The following FGD5 variants were observed in gnomAD, a reference collection of about 807,000 sequenced individuals.
FGD5 encodes the protein FYVE, RhoGEF and PH domain-containing protein 5.
In FGD5, 28 loss-of-function variants were observed where a neutral mutation model predicts 133.4. The ratio of observed to expected loss-of-function variants is 0.21; its 90% CI spans 0.16 to 0.29. The LOEUF (loss-of-function observed/expected upper bound fraction) is 0.29. Ranked by LOEUF, FGD5 falls within the 10% of genes least tolerant of loss-of-function variation. FGD5 has a pLI of 1.00. For synonymous variants in FGD5, 810 were observed against 776.5 expected, an observed-to-expected ratio of 1.04 and a Z score of -0.72; for missense variants, 1,858 against 1,895.2, an observed-to-expected ratio of 0.98 and a Z score of 0.36.
chr3:14,813,694 G>A (rs560563237), intron 1 of FGD5, among the ~76,000 whole-genome samples: 3 of 151,932 alleles, frequency 2.0e-5, no homozygotes, highest in East Asian at 3.9e-4. Context: ...GCCGAGGCCC[G>A]AAAAGGGGAA....
In FGD5 at chr3:14,933,763, G is replaced by GCAGA. The variant is rs1312065848; in HGVS notation, c.*598_*601dup. The GCAGA allele has an allele frequency of 6.4e-6, 1 of 155,046 alleles. No homozygotes were observed. Among genetic ancestry groups the GCAGA allele is most frequent in the African/African-American group, 2.4e-5 (1 of 41,460 alleles). 9.6% of individuals were successfully genotyped at this position (155,046 alleles called of 1,614,324 possible). The stretch of plus-strand genomic sequence containing the variant: ...AAGGGTGTACATAAAATGGATTTGT[G>GCAGA]CAGACCTGGCTGTGGCTTGCTGGTG... On this transcript the variant is annotated 3_prime_UTR_variant, in exon 20 of 20. Transcript: ENST00000285046.
intron 1 of FGD5, among the ~76,000 whole-genome samples, chr3:14,844,216 AAATATATATATATATATATATATAT>A (rs1391844057): frequency 1.6e-4 from 5 of 30,380 alleles, no homozygotes; most frequent in African/African-American, 4.9e-4. Context: ...AAAAAAAAAA[AAATATATATATATATATATATATAT>A]ATATATATAT....
intron 1 of FGD5, among the ~76,000 whole-genome samples, chr3:14,831,010 T>G (rs1575193747): frequency 1.3e-5 from 2 of 152,216 alleles, no homozygotes. Context: ...AGACACACTT[T>G]AGACAGGGTG....
At chr3:14,923,020 G>A in intron 15 of FGD5, 26 bp from the exon 16 acceptor site, 2 of 1,613,590 alleles carry the variant, frequency 1.2e-6, no homozygotes, top group Non-Finnish European at 1.7e-6. Context: ...TGAGAGGGGT[G>A]AGAATCTTCC....
rs530558185 is a variant in FGD5 at position 14,811,066 on chromosome 3, A to ACC, written c.13+201_13+202insCC. ...GCTGAGAACCGGGGGTCCCCGTCCG[A>ACC]AGCGCCCTGCCTCAGGGACCTTCTC... On this transcript the variant is annotated intron_variant, in intron 1 of 1. Coordinates refer to the FGD5 transcript ENST00000640506. Among the ~76,000 whole-genome samples the ACC allele has an allele frequency of 4.9e-4, 75 of 152,112 alleles. No homozygotes were observed. In the Middle Eastern group the frequency reaches 0.01, roughly 21 times the overall value.
chr3:14,932,835 A>C, intron 19 of FGD5, 104 bp downstream of exon 19: 2 of 1,352,892 alleles, frequency 1.5e-6, no homozygotes, highest in Non-Finnish European at 2.0e-6. Flanking sequence ...ATCCTATCCC[A>C]TTAGGTCCCT....
At position 14,898,021 on chromosome 3, in the gene FGD5, G is replaced by A. The variant is rs746000953; in HGVS notation, c.2992G>A (p.Asp998Asn). ...CCACGCCACTCACATCCTGCAGTTCGACAGGTACCTAGGTCTGCTCAGTGA... is the reference window on the plus strand; with the variant it reads ...CCACGCCACTCACATCCTGCAGTTCAACAGGTACCTAGGTCTGCTCAGTGA... ...DHHATHILQF[D>N]RYLGLLSENC... Residue 998 changes from aspartate (D) to asparagine (N), a missense_variant, in exon 6 of 20, where the codon GAC (aspartate) becomes AAC (asparagine). Physicochemically the swap from Asp to Asn is conservative, Grantham distance 23 (BLOSUM62 1). Transcript: ENST00000285046. 11 of 1,613,872 alleles carry A rather than the reference G, an allele frequency of 6.8e-6. No individual in the cohort carries two copies. The Admixed American group carries it at 8.3e-5, about 12-fold the overall frequency.
At chr3:14,884,547 G>A (rs970700252) in intron 4 of FGD5, among the ~76,000 whole-genome samples, 2 of 152,206 alleles carry the variant, frequency 1.3e-5, no homozygotes, top group African/African-American at 4.8e-5. Flanking sequence ...TCCCATTCAG[G>A]TCTCAGCTCA....
At chr3:14,856,754 T>A (rs1225433119) in intron 1 of FGD5, among the ~76,000 whole-genome samples, 1 of 152,224 alleles carries the variant, frequency 6.6e-6, no homozygotes, top group Non-Finnish European at 1.5e-5. Flanking sequence ...GCAACTTTAC[T>A]GAGTTTATCA....
At chr3:14,836,761 G>A (rs142686578) in intron 1 of FGD5, among the ~76,000 whole-genome samples, 335 of 152,256 alleles carry the variant, frequency 2.2e-3, no homozygotes, top group African/African-American at 7.7e-3. Context: ...GACCCCGATT[G>A]CTGATGAGAT....
chr3:14,864,804 C>T (rs970184841), intron 2 of FGD5, among the ~76,000 whole-genome samples: 3 of 152,162 alleles, frequency 2.0e-5, no homozygotes, highest in Non-Finnish European at 4.4e-5. Flanking sequence ...ACCCAGACCT[C>T]ATTGCTGGGC....
chr3:14,927,785 CAG>C (rs1309835080), intron 18 of FGD5, among the ~76,000 whole-genome samples: 2 of 152,120 alleles, frequency 1.3e-5, no homozygotes, highest in African/African-American at 2.4e-5. Flanking sequence ...TGTTTCAAGA[CAG>C]GGTCTTGCTT....
Position 14,932,690 on chromosome 3 carries a change from A to G in FGD5, c.4311A>G (p.Leu1437=), listed in dbSNP as rs747262161. 3.7e-6 allele frequency: 6 copies of G among 1,613,890 alleles called. No homozygotes were observed. The highest frequency in any genetic ancestry group is 2.7e-5 in the African/African-American group (2 of 74,936). The change falls in exon 19 of 20, where the codon CTA becomes CTG. Residue 1437 remains leucine (L), a synonymous_variant. Coordinates refer to ENST00000285046, the MANE Select transcript of FGD5 (RefSeq NM_152536.4). ...TTCACCTTTACCACAAGAAAACCCT[A>G]TTTTATAGCTTCAAAGCAGAAGATA... ...PIFHLYHKKT[L]FYSFKAEDTN...
At chr3:14,827,563 C>T (rs1490751913) in intron 1 of FGD5, among the ~76,000 whole-genome samples, 1 of 152,104 alleles carries the variant, frequency 6.6e-6, no homozygotes, top group Non-Finnish European at 1.5e-5. Context: ...GTGGCACAGC[C>T]ACCCCCAAAG....
At chr3:14,889,814 C>G (rs1289738738) in intron 4 of FGD5, among the ~76,000 whole-genome samples, 1 of 151,968 alleles carries the variant, frequency 6.6e-6, no homozygotes, top group East Asian at 1.9e-4. Context: ...ATCCTTCGTT[C>G]TGTTTATTAG....
intron 4 of FGD5, among the ~76,000 whole-genome samples, chr3:14,888,264 C>T (rs907218621): frequency 1.3e-5 from 2 of 151,992 alleles, no homozygotes; most frequent in African/African-American, 2.4e-5. Context: ...AGACATTAAG[C>T]ACAGTCTTGA....
chr3:14,826,669 T>C lies in FGD5; in HGVS notation c.2525+5073T>C, dbSNP rs2036605562. 2.0e-5 allele frequency among the ~76,000 whole-genome samples: 3 copies of C among 152,172 alleles called. No individual in the cohort carries two copies. In the South Asian group the frequency reaches 6.2e-4, roughly 32 times the overall value. On this transcript the variant is annotated intron_variant, in intron 1 of 19. Coordinates refer to ENST00000285046, the MANE Select transcript of FGD5 (RefSeq NM_152536.4). ...ATTAAGTGACATGACCGAGGTCACATAGTGGTGGATGCAGGATTTGAATTT... is the reference window on the plus strand; with the variant it reads ...ATTAAGTGACATGACCGAGGTCACACAGTGGTGGATGCAGGATTTGAATTT...
At chr3:14,870,237 T>A (rs990368930) in intron 2 of FGD5, among the ~76,000 whole-genome samples, 1 of 152,150 alleles carries the variant, frequency 6.6e-6, no homozygotes, top group Non-Finnish European at 1.5e-5. Context: ...GGAGAGAGTC[T>A]GTGAGCCAGA....
At chr3:14,857,680 T>C (rs957719033) in intron 1 of FGD5, among the ~76,000 whole-genome samples, 36 of 152,100 alleles carry the variant, frequency 2.4e-4, no homozygotes, top group African/African-American at 8.2e-4. Context: ...CCACCCTTAG[T>C]GTCCGCTAGA....
Sources: gnomAD v4.1 joint callset for allele counts (sites outside exome capture counted in the v4.1 genomes callset) on GRCh38, gnomAD v4.1.1 for gene constraint, MANE v1.5 for transcripts, NCBI Gene and HGNC (gene_info 2026-07-23, HGNC 2026-07-21) for gene names.